TICRR: variants seen among roughly 807,000 people sequenced by gnomAD.
The protein encoded by TICRR is treslin.
In TICRR, 132 loss-of-function variants were observed where a neutral mutation model predicts 178.1. That is an observed-to-expected ratio of 0.74 (90% CI 0.64 to 0.86). The LOEUF (loss-of-function observed/expected upper bound fraction) is 0.86, where lower values mean the gene tolerates loss of function less well. Ranked by LOEUF, TICRR falls within the 40% of genes least tolerant of loss-of-function variation. TICRR has a pLI of 0.00. For missense variants in TICRR, 2,587 were observed against 2,334.3 expected, an observed-to-expected ratio of 1.11 and a Z score of -2.23; for synonymous variants, 991 against 900.7, an observed-to-expected ratio of 1.10 and a Z score of -1.79.
intron 9 of TICRR, among the ~76,000 whole-genome samples, chr15:89,601,048 GAA>G (rs71151515): frequency 2.7e-5 from 2 of 74,822 alleles, no homozygotes; most frequent in Admixed American, 3.8e-4. Context: ...CCTGTCTCAG[GAA>G]AAAAAAAAAA....
chr15:89,597,789 T>C (rs1181744686), intron 7 of TICRR, among the ~76,000 whole-genome samples: 1 of 152,190 alleles, frequency 6.6e-6, no homozygotes, highest in Non-Finnish European at 1.5e-5. Flanking sequence ...ACTTATTTGA[T>C]AGGGATCACA....
At chr15:89,583,527 T>A (rs1596039614) in intron 2 of TICRR, among the ~76,000 whole-genome samples, 1 of 152,356 alleles carries the variant, frequency 6.6e-6, no homozygotes, top group East Asian at 1.9e-4. Context: ...TTATGTGCAG[T>A]TTAAGGAATT....
chr15:89,621,334 G>A, intron 18 of TICRR, 59 bp from the exon 19 acceptor site: 44 of 1,544,736 alleles, frequency 2.8e-5, no homozygotes, highest in Non-Finnish European at 3.7e-5. Context: ...TGTTTTAATA[G>A]TATTGGAAGA....
intron 15 of TICRR, among the ~76,000 whole-genome samples, chr15:89,609,396 G>A (rs1388070544): frequency 6.6e-6 from 1 of 151,528 alleles, no homozygotes; most frequent in African/African-American, 2.4e-5. Flanking sequence ...TTATAGGCAT[G>A]AGCCACCACA....
In TICRR at chr15:89,582,932, C is replaced by CT; in HGVS notation, c.901_902insT (p.Arg301LeufsTer11). ...TCCTGAGTATGAGGCCTCGTTTCCA[C>CT]GAATGGAAGGAATGTTATTTCTCCC... is the stretch of plus-strand genomic sequence containing the variant. On this transcript the variant is annotated frameshift_variant, in exon 2 of 22. Coordinates refer to ENST00000268138, the MANE Select transcript of TICRR (RefSeq NM_152259.4). LOFTEE classifies it high-confidence loss of function. 6.2e-7 allele frequency: 1 copy of CT among 1,613,402 alleles called. No individual in the cohort carries two copies. Among genetic ancestry groups the CT allele is most frequent in the Non-Finnish European group, 8.5e-7 (1 of 1,179,678 alleles).
At chr15:89,620,566 T>A (rs1963406986) in intron 18 of TICRR, among the ~76,000 whole-genome samples, 1 of 152,144 alleles carries the variant, frequency 6.6e-6, no homozygotes, top group Admixed American at 6.5e-5. Flanking sequence ...TTTTCTAACA[T>A]AGGAGCTGGG....
At chr15:89,592,638 A>G (rs1442541812) in intron 5 of TICRR, among the ~76,000 whole-genome samples, 2 of 151,532 alleles carry the variant, frequency 1.3e-5, no homozygotes, top group East Asian at 3.9e-4. Context: ...AGATAACAAC[A>G]GAAATAAATA....
Position 89,600,653 on chromosome 15 carries a change from A to G in TICRR, c.2121A>G (p.Gly707=), listed in dbSNP as rs998237604. 5 of 1,591,708 alleles carry G rather than the reference A, an allele frequency of 3.1e-6. No homozygotes were observed. Among genetic ancestry groups the G allele is most frequent in the Non-Finnish European group, 4.3e-6 (5 of 1,166,006 alleles). Residue 707 remains glycine (G), a synonymous_variant, in exon 9 of 22, where the codon GGA becomes GGG. Transcript: ENST00000268138. ...KTSKSLRQNL[G]KKLDKEDKVR... is the part of the protein sequence containing the mutation. ...GTAAAAGTCTTCGACAGAATCTAGG[A>G]AAAAAACTGGATAAGGAAGACAAAG...
chr15:89,576,373 CAA>C, intron 1 of TICRR, 133 bp downstream of exon 1: 2 of 860,932 alleles, frequency 2.3e-6, no homozygotes, highest in Non-Finnish European at 3.4e-6. Context: ...CGGAAGGAAA[CAA>C]ATAAATAGGA....
At chr15:89,577,040 C>T (rs949151116) in intron 1 of TICRR, among the ~76,000 whole-genome samples, 1 of 151,750 alleles carries the variant, frequency 6.6e-6, no homozygotes, top group African/African-American at 2.4e-5. Flanking sequence ...ACTACAGGCC[C>T]ACGCCACCAT....
At position 89,601,916 on chromosome 15, in the gene TICRR, C is replaced by T; in HGVS notation, c.2507C>T (p.Ser836Leu). The stretch of plus-strand genomic sequence containing the variant: ...TTGTCAAGTGCTCGTAGATCAGTGT[C>T]AGGCAGCCCTGAATCTGATGAACTG... ...PFLSSARRSV[S>L]GSPESDELQE... The change falls in exon 12 of 22, where the codon TCA (serine) becomes TTA (leucine). Residue 836 changes from serine to leucine, a missense_variant. Transcript: ENST00000268138. The T allele has an allele frequency of 1.2e-6, 2 of 1,614,170 alleles. No homozygotes were observed. The highest frequency in any genetic ancestry group is 2.7e-5 in the African/African-American group (2 of 75,050).
In TICRR at chr15:89,582,881, A is replaced by G; in HGVS notation, c.850A>G (p.Thr284Ala). ...GATTTCAATGCTGCCAACTGATGCC[A>G]CTTTAAACCGTTTGCTCTACAATTC... ...PWISMLPTDATLNRLLYNSPE... is the reference protein window; with the variant it reads ...PWISMLPTDAALNRLLYNSPE... Residue 284 changes from threonine (T) to alanine (A), a missense_variant, in exon 2 of 22, where the codon ACT becomes GCT. Transcript: ENST00000268138. The G allele has an allele frequency of 6.2e-7, 1 of 1,614,198 alleles. No homozygotes were observed. The highest frequency in any genetic ancestry group is 2.2e-5 in the East Asian group (1 of 44,892).
intron 4 of TICRR, among the ~76,000 whole-genome samples, chr15:89,588,059 G>A (rs556516035): frequency 2.6e-5 from 4 of 152,300 alleles, no homozygotes; most frequent in Non-Finnish European, 1.5e-5. Context: ...ACTGGGGGAA[G>A]GCAAAAATGT....
intron 15 of TICRR, among the ~76,000 whole-genome samples, chr15:89,614,659 G>T (rs766990259): frequency 6.6e-5 from 10 of 152,170 alleles, no homozygotes; most frequent in Non-Finnish European, 1.2e-4. Flanking sequence ...TAATGAGGCA[G>T]CTGTAACAAT....
chr15:89,610,732 G>T (rs1033025259), intron 15 of TICRR, among the ~76,000 whole-genome samples: 1 of 151,814 alleles, frequency 6.6e-6, no homozygotes, highest in Non-Finnish European at 1.5e-5. Context: ...CATTTTCTAT[G>T]TTTTATGCTT....
Position 89,624,221 on chromosome 15 carries a change from C to A in TICRR, c.3911C>A (p.Pro1304Gln), listed in dbSNP as rs770107203. 1 of 1,614,186 alleles carries A rather than the reference C, an allele frequency of 6.2e-7. No homozygotes were observed. The highest frequency in any genetic ancestry group is 1.7e-5 in the Admixed American group (1 of 60,026). Residue 1304 changes from proline (P) to glutamine (Q), a missense_variant, in exon 20 of 22, where the codon CCA becomes CAA. Coordinates refer to ENST00000268138, the MANE Select transcript of TICRR (RefSeq NM_152259.4). ...GGGAATTCAACTGTGACTTCTTCCC[C>A]ACCTGTTACGCCAAAGAAACTGTTT... is the stretch of plus-strand genomic sequence containing the variant. ...RPGNSTVTSS[P>Q]PVTPKKLFTS...
Position 89,575,763 on chromosome 15 carries a change from G to A in TICRR, c.177G>A (p.Pro59=). The A allele has an allele frequency of 6.2e-7, 1 of 1,609,096 alleles. No homozygotes were observed. The highest frequency in any genetic ancestry group is 8.5e-7 in the Non-Finnish European group (1 of 1,178,728). The change falls in exon 1 of 22, where the codon CCG becomes CCA. Residue 59 remains proline, a synonymous_variant. Coordinates refer to ENST00000268138, the MANE Select transcript of TICRR (RefSeq NM_152259.4). ...ACTCGCAGGGGGCGCGGAGCCGGCC[G>A]TCCCGCGTGTCTGACTTCCGCGAGC... The part of the protein sequence containing the change: ...FFDSQGARSR[P]SRVSDFRELG...
chr15:89,604,427 G>A (rs1963144226), intron 13 of TICRR, among the ~76,000 whole-genome samples: 1 of 152,186 alleles, frequency 6.6e-6, no homozygotes, highest in African/African-American at 2.4e-5. Context: ...GATCTTTCTA[G>A]CACACTTTGA....
chr15:89,588,107 G>A (rs769493372), intron 4 of TICRR, among the ~76,000 whole-genome samples: 2 of 152,174 alleles, frequency 1.3e-5, no homozygotes, highest in Non-Finnish European at 2.9e-5. Flanking sequence ...GTTGGTGTGA[G>A]TGTACGGGGT....
Sources: gnomAD v4.1 joint callset for allele counts (sites outside exome capture counted in the v4.1 genomes callset) on GRCh38, gnomAD v4.1.1 for gene constraint, MANE v1.5 for transcripts, NCBI Gene and HGNC (gene_info 2026-07-23, HGNC 2026-07-21) for gene names.